PPFIA2: variants seen among roughly 807,000 people sequenced by gnomAD.
PPFIA2 encodes liprin-alpha-2.
A neutral mutation model predicts 175.5 loss-of-function variants in PPFIA2; 46 were observed. The ratio of observed to expected loss-of-function variants is 0.26; its 90% CI spans 0.21 to 0.34. The LOEUF (loss-of-function observed/expected upper bound fraction) is 0.34, where lower values mean the gene tolerates loss of function less well. Among genes scored for constraint, PPFIA2 ranks in the 10% least tolerant of loss-of-function variants. PPFIA2 has a pLI of 1.00. For synonymous variants in PPFIA2, 568 were observed against 511.4 expected, an observed-to-expected ratio of 1.11 and a Z score of -1.49; for missense variants, 1,179 against 1,506.1, an observed-to-expected ratio of 0.78 and a Z score of 3.60.
intron 4 of PPFIA2, among the ~76,000 whole-genome samples, chr12:81,463,589 C>T (rs1042541894): frequency 6.6e-6 from 1 of 152,048 alleles, no homozygotes; most frequent in Non-Finnish European, 1.5e-5. Flanking sequence ...GGAGGGGTGC[C>T]CTTCTCTTTC....
At chr12:81,418,994 A>G (rs2143570448) in intron 7 of PPFIA2, among the ~76,000 whole-genome samples, 1 of 152,138 alleles carries the variant, frequency 6.6e-6, no homozygotes, top group Non-Finnish European at 1.5e-5. Flanking sequence ...TGTCAATTGC[A>G]TTTTCAATAT....
At chr12:81,342,790 A>G (rs1241501019) in intron 19 of PPFIA2, among the ~76,000 whole-genome samples, 1 of 151,938 alleles carries the variant, frequency 6.6e-6, no homozygotes, top group Admixed American at 6.6e-5. Flanking sequence ...TTGCTGTCAG[A>G]ATTTTGCTTC....
intron 4 of PPFIA2, among the ~76,000 whole-genome samples, chr12:81,640,767 C>A (rs1230840402): frequency 1.3e-5 from 2 of 151,994 alleles, no homozygotes; most frequent in Non-Finnish European, 2.9e-5. Context: ...AAACTCATGC[C>A]ATTTTGAGCC....
intron 4 of PPFIA2, among the ~76,000 whole-genome samples, chr12:81,592,538 CT>C (rs2058787352): frequency 6.6e-6 from 1 of 152,028 alleles, no homozygotes; most frequent in Non-Finnish European, 1.5e-5. Context: ...GGTGGTGGGT[CT>C]TTCCTTTATT....
chr12:81,730,572 C>T (rs1267469080), intron 3 of PPFIA2, among the ~76,000 whole-genome samples: 1 of 151,520 alleles, frequency 6.6e-6, no homozygotes, highest in East Asian at 2.0e-4. Context: ...TCAACCTGGT[C>T]CCACCCTTGA....
chr12:81,726,152 AT>A (rs963173375), intron 3 of PPFIA2, among the ~76,000 whole-genome samples: 1 of 151,088 alleles, frequency 6.6e-6, no homozygotes, highest in African/African-American at 2.4e-5. Flanking sequence ...CTCATTAACT[AT>A]CATCGAAAAA....
At chr12:81,295,935 A>G (rs1237146303) in intron 23 of PPFIA2, among the ~76,000 whole-genome samples, 1 of 152,146 alleles carries the variant, frequency 6.6e-6, no homozygotes, top group Non-Finnish European at 1.5e-5. Context: ...GGTTGCAGTG[A>G]GCTGAGATCA....
chr12:81,625,111 AATAG>A (rs903993944), intron 4 of PPFIA2, among the ~76,000 whole-genome samples: 7 of 151,938 alleles, frequency 4.6e-5, no homozygotes, highest in Non-Finnish European at 7.4e-5. Context: ...TGTTTGTATG[AATAG>A]ATATAAATTA....
chr12:81,753,280 T>C (rs1208466350), intron 3 of PPFIA2, among the ~76,000 whole-genome samples: 1 of 151,996 alleles, frequency 6.6e-6, no homozygotes, highest in African/African-American at 2.4e-5. Flanking sequence ...ATTAACTTTG[T>C]ATATAAATAG....
At chr12:81,515,289 A>T (rs2062277883) in intron 4 of PPFIA2, among the ~76,000 whole-genome samples, 1 of 151,958 alleles carries the variant, frequency 6.6e-6, no homozygotes, top group Non-Finnish European at 1.5e-5. Flanking sequence ...AAATCAAAAG[A>T]AACCTTTCCT....
At chr12:81,356,441 T>C (rs1489240615) in intron 16 of PPFIA2, among the ~76,000 whole-genome samples, 1 of 152,078 alleles carries the variant, frequency 6.6e-6, no homozygotes, top group East Asian at 1.9e-4. Flanking sequence ...GGTGGGCAGA[T>C]CACTTGAGCA....
chr12:81,325,981 A>T (rs2139806466), intron 21 of PPFIA2, 111 bp from the exon 22 acceptor site: 2 of 707,752 alleles, frequency 2.8e-6, no homozygotes, highest in South Asian at 1.7e-5. Context: ...ACATTTAAAA[A>T]TTTTCCTTAT....
In PPFIA2 at chr12:81,681,836, G is replaced by A. The variant is rs542965948; in HGVS notation, c.250-4992C>T. On this transcript the variant is annotated intron_variant, in intron 3 of 32. Coordinates refer to ENST00000549396, the MANE Select transcript of PPFIA2 (RefSeq NM_003625.5). ...AAAGAAAAATATGATAAAATAATTT[G>A]GCTATCGAATACAGTAAGAATGAAC... is the stretch of plus-strand genomic sequence containing the variant. Among the ~76,000 whole-genome samples the A allele has an allele frequency of 3.3e-5, 5 of 151,996 alleles. No homozygotes were observed. The East Asian group carries it at 9.7e-4, about 30-fold the overall frequency.
chr12:81,721,741 G>A (rs530925779), intron 3 of PPFIA2, among the ~76,000 whole-genome samples: 1 of 151,170 alleles, frequency 6.6e-6, no homozygotes, highest in South Asian at 2.1e-4. Context: ...TCATGACAGA[G>A]CACTGATATC....
chr12:81,502,258 C>T (rs1279250020), intron 4 of PPFIA2, among the ~76,000 whole-genome samples: 3 of 152,122 alleles, frequency 2.0e-5, no homozygotes, highest in African/African-American at 4.8e-5. Flanking sequence ...TTGCTGCCTA[C>T]ATAAAAACGA....
chr12:81,297,815 G>A (rs902456780), intron 23 of PPFIA2, among the ~76,000 whole-genome samples: 4 of 152,112 alleles, frequency 2.6e-5, no homozygotes, highest in South Asian at 4.1e-4. Context: ...TGGAATTCTC[G>A]CCTACACAAA....
chr12:81,333,486 C>A (rs2056524134), intron 21 of PPFIA2, among the ~76,000 whole-genome samples: 1 of 152,122 alleles, frequency 6.6e-6, no homozygotes, highest in Non-Finnish European at 1.5e-5. Context: ...AGTACAGTAA[C>A]CAGGATGGAT....
intron 18 of PPFIA2, 77 bp from the exon 19 acceptor site, chr12:81,344,770 AAT>A (rs2058748341): frequency 9.5e-7 from 1 of 1,050,498 alleles, no homozygotes; most frequent in East Asian, 2.6e-5. Flanking sequence ...TACAATTTTA[AAT>A]AGTGTCTACA....
intron 4 of PPFIA2, among the ~76,000 whole-genome samples, chr12:81,524,806 T>C (rs1190792459): frequency 6.6e-6 from 1 of 152,218 alleles, no homozygotes; most frequent in Non-Finnish European, 1.5e-5. Context: ...AAAATTCATA[T>C]GTTCAAACCC....
Sources: allele counts gnomAD v4.1 joint callset (sites outside exome capture counted in the v4.1 genomes callset), GRCh38; gene constraint gnomAD v4.1.1; transcripts MANE v1.5; gene names NCBI Gene and HGNC (gene_info 2026-07-23, HGNC 2026-07-21).